SPPL2A: variants seen among roughly 807,000 people sequenced by gnomAD.
SPPL2A encodes the protein signal peptide peptidase-like 2A.
Under a neutral mutation model 63.8 loss-of-function variants are expected in SPPL2A, and 51 were observed. The ratio of observed to expected loss-of-function variants is 0.80; its 90% CI spans 0.64 to 1.01. SPPL2A has a LOEUF of 1.01. Ranked by LOEUF, SPPL2A falls within the 50% of genes least tolerant of loss-of-function variation. The pLI is 0.00. For missense variants in SPPL2A, 553 were observed against 622.7 expected, an observed-to-expected ratio of 0.89 and a Z score of 1.19; for synonymous variants, 188 against 205.8, an observed-to-expected ratio of 0.91 and a Z score of 0.74.
At chr15:50,762,039 G>A (rs970585823) in intron 1 of SPPL2A, among the ~76,000 whole-genome samples, 1 of 152,032 alleles carries the variant, frequency 6.6e-6, no homozygotes, top group Non-Finnish European at 1.5e-5. Flanking sequence ...TGTGACCCAG[G>A]GTCGAGGTTG....
At chr15:50,732,261 C>G (rs2141035843) in intron 9 of SPPL2A, among the ~76,000 whole-genome samples, 1 of 151,992 alleles carries the variant, frequency 6.6e-6, no homozygotes, top group Non-Finnish European at 1.5e-5. Context: ...TACTATAAGC[C>G]TCATCACTAC....
chr15:50,765,404 C>T (rs2063050601), intron 1 of SPPL2A, 64 bp downstream of exon 1: 1 of 1,331,326 alleles, frequency 7.5e-7, no homozygotes, highest in Non-Finnish European at 1.0e-6. Context: ...GGGAAGGGAG[C>T]CCCGGCCTTG....
chr15:50,731,135 C>A, intron 9 of SPPL2A, 96 bp from the exon 10 acceptor site: 1 of 575,074 alleles, frequency 1.7e-6, no homozygotes, highest in East Asian at 3.3e-5. Flanking sequence ...TATGAATATA[C>A]ATTTAAATAT....
At chr15:50,735,234 T>C (rs1280042555) in intron 8 of SPPL2A, among the ~76,000 whole-genome samples, 3 of 152,124 alleles carry the variant, frequency 2.0e-5, no homozygotes, top group Non-Finnish European at 4.4e-5. Context: ...TCTGACTACT[T>C]TCACTTGGCA....
At chr15:50,747,865 A>G (rs541296945) in intron 4 of SPPL2A, 1 of 466,918 alleles carries the variant, frequency 2.1e-6, no homozygotes, top group African/African-American at 2.0e-5. Context: ...CAGGAACCTA[A>G]AGTTAAGATA....
intron 13 of SPPL2A, 116 bp from the exon 14 acceptor site, chr15:50,720,216 A>C: frequency 1.4e-6 from 1 of 738,256 alleles, no homozygotes; most frequent in Admixed American, 3.2e-5. Flanking sequence ...TTGCTCTATG[A>C]CTTCTTGTAA....
At chr15:50,720,332 T>C (rs1291651108) in intron 13 of SPPL2A, among the ~76,000 whole-genome samples, 3 of 152,142 alleles carry the variant, frequency 2.0e-5, no homozygotes, top group African/African-American at 7.2e-5. Flanking sequence ...CCATGTATCA[T>C]TGATAAGAGA....
chr15:50,744,682 A>G (rs1380413076), intron 5 of SPPL2A, among the ~76,000 whole-genome samples: 3 of 152,196 alleles, frequency 2.0e-5, no homozygotes, highest in Non-Finnish European at 2.9e-5. Flanking sequence ...GTTAATCTTC[A>G]TGCTATAGAT....
At chr15:50,725,104 T>C in intron 12 of SPPL2A, 117 bp downstream of exon 12, 1 of 719,000 alleles carries the variant, frequency 1.4e-6, no homozygotes, top group Non-Finnish European at 2.4e-6. Flanking sequence ...ATCTCAGCTC[T>C]AGTGACAGCC....
At chr15:50,752,817 T>C (rs2062921674) in intron 1 of SPPL2A, among the ~76,000 whole-genome samples, 1 of 152,060 alleles carries the variant, frequency 6.6e-6, no homozygotes, top group African/African-American at 2.4e-5. Flanking sequence ...CTTTATCTGC[T>C]ATACATCCAG....
intron 14 of SPPL2A, among the ~76,000 whole-genome samples, chr15:50,710,415 A>C (rs2141017025): frequency 6.6e-6 from 1 of 152,350 alleles, no homozygotes; most frequent in South Asian, 2.1e-4. Context: ...CTTATTGAGA[A>C]GTAAGCATCT....
intron 1 of SPPL2A, among the ~76,000 whole-genome samples, chr15:50,760,461 A>C (rs554442002): frequency 6.6e-6 from 1 of 151,990 alleles, no homozygotes; most frequent in Admixed American, 6.6e-5. Context: ...GGGTTTCATC[A>C]TGTTGGCCAG....
chr15:50,736,834 T>C lies in SPPL2A; in HGVS notation c.734-94A>G, dbSNP rs531542546. On this transcript the variant is annotated intron_variant, in intron 6 of 14. Coordinates refer to ENST00000261854, the MANE Select transcript of SPPL2A (RefSeq NM_032802.4). ...CAATATTAATTCTTTACTTTCTTTA[T>C]TGAATCATACTTCCAATGAAGTGAC... 3.2e-5 allele frequency: 20 copies of C among 624,422 alleles called. No individual in the cohort carries two copies. In the African/African-American group the frequency reaches 3.3e-4, roughly 10 times the overall value. The allele number at this position is 624,422 out of a possible 1,614,324, so 38.7% of individuals were successfully genotyped here.
chr15:50,725,331 AAAAC>A lies in SPPL2A; in HGVS notation c.1147-12_1147-9del. 1 of 489,042 alleles carries A rather than the reference AAAAC, an allele frequency of 2.0e-6. No individual in the cohort carries two copies. Among genetic ancestry groups the A allele is most frequent in the Non-Finnish European group, 2.9e-6 (1 of 349,616 alleles). 30.3% of individuals were successfully genotyped at this position (489,042 alleles called of 1,614,324 possible). ...TCTGATGACTACTGGCAACTGTTCA[AAAAC>A]AAAACAAAACAAAACAAAACAAAAC... On this transcript the variant is annotated splice_polypyrimidine_tract_variant and intron_variant, in intron 11 of 14. Coordinates refer to ENST00000261854, the MANE Select transcript of SPPL2A (RefSeq NM_032802.4).
chr15:50,757,133 A>G (rs947609022), intron 1 of SPPL2A, among the ~76,000 whole-genome samples: 2 of 135,530 alleles, frequency 1.5e-5, no homozygotes, highest in Non-Finnish European at 3.1e-5. Flanking sequence ...CCCAGGCTGG[A>G]GTGCAGTGGT....
At chr15:50,758,912 A>G (rs1490892203) in intron 1 of SPPL2A, among the ~76,000 whole-genome samples, 1 of 151,996 alleles carries the variant, frequency 6.6e-6, no homozygotes, top group East Asian at 1.9e-4. Flanking sequence ...CTATCTATCT[A>G]TCTATCTATC....
chr15:50,763,199 A>G (rs1167612546), intron 1 of SPPL2A, among the ~76,000 whole-genome samples: 1 of 152,154 alleles, frequency 6.6e-6, no homozygotes, highest in Non-Finnish European at 1.5e-5. Context: ...GACTTCAGAC[A>G]GAGTTGGAGG....
At position 50,725,303 on chromosome 15, in the gene SPPL2A, T is replaced by C. The variant is rs764292491; in HGVS notation, c.1167A>G (p.Val389=). The C allele has an allele frequency of 9.4e-6, 15 of 1,596,334 alleles. No homozygotes were observed. The highest frequency in any genetic ancestry group is 1.2e-5 in the Non-Finnish European group (14 of 1,167,994). The part of the protein sequence containing the change: ...NNEKLPVVIR[V]PKLIYFSVMS... The stretch of plus-strand genomic sequence containing the variant: ...TTACTGAGAAATAGATCAGTTTTGG[T>C]ACTCTGATGACTACTGGCAACTGTT... The change falls in exon 12 of 15, where the codon GTA becomes GTG. Residue 389 remains valine, a synonymous_variant. Transcript: ENST00000261854.
chr15:50,744,225 T>C (rs1311637300), intron 5 of SPPL2A, among the ~76,000 whole-genome samples: 2 of 151,026 alleles, frequency 1.3e-5, no homozygotes, highest in Admixed American at 6.6e-5. Context: ...GAGAAAAACA[T>C]GCTTACTCAT....
Sources: gnomAD v4.1 joint callset for allele counts (sites outside exome capture counted in the v4.1 genomes callset) on GRCh38, gnomAD v4.1.1 for gene constraint, MANE v1.5 for transcripts, NCBI Gene and HGNC (gene_info 2026-07-23, HGNC 2026-07-21) for gene names.